ERVK3-1: variants seen among roughly 807,000 people sequenced by gnomAD.
ERVK3-1 encodes HERV-K(HML6-1).
In ERVK3-1 at chr19:58,313,278, G is replaced by T. The variant is rs1187711738; in HGVS notation, c.294+816G>T. 6.6e-6 allele frequency among the ~76,000 whole-genome samples: 1 copy of T among 152,034 alleles called. No individual in the cohort carries two copies. The highest frequency in any genetic ancestry group is 1.5e-5 in the Non-Finnish European group (1 of 67,998). On this transcript the variant is annotated intron_variant, in intron 3 of 3. Coordinates refer to ENST00000413518, the Ensembl canonical transcript of ERVK3-1. The surrounding 1 kb of genome is among the most constrained non-coding windows in gnomAD (Gnocchi z 4.5). ...TTACCACTCAATTTACGGTTTGTGGGTTTTTTGTTGTTGTTGTTAACTGTT... is the reference window on the plus strand; with the variant it reads ...TTACCACTCAATTTACGGTTTGTGGTTTTTTTGTTGTTGTTGTTAACTGTT...
chr19:58,307,629 C>G (rs1354073774), intron 2 of ERVK3-1, among the ~76,000 whole-genome samples: 1 of 150,296 alleles, frequency 6.7e-6, no homozygotes, highest in South Asian at 2.1e-4. Flanking sequence ...CCGCCCCGCT[C>G]CCCCCAACAC....
chr19:58,307,707 A>G (rs1231970547), intron 2 of ERVK3-1, among the ~76,000 whole-genome samples: 1 of 150,480 alleles, frequency 6.6e-6, no homozygotes, highest in Non-Finnish European at 1.5e-5. Context: ...TGGGCTAATC[A>G]GTGTTGCTCA....
At position 58,312,343 on chromosome 19, in the gene ERVK3-1, A is replaced by G. The variant is rs928082105; in HGVS notation, c.175A>G (p.Ile59Val). Residue 59 changes from isoleucine (I) to valine (V), a missense_variant, in exon 3 of 4, where the codon ATA becomes GTA. Transcript: ENST00000413518. The surrounding 1 kb of genome is among the most constrained non-coding windows in gnomAD (Gnocchi z 4.7). ...CGGAGTCACAATGACATCCAACCCC[A>G]TAACATGGGGACAGATCAAGAAAAC... The G allele has an allele frequency of 5.0e-6, 2 of 400,100 alleles. No homozygotes were observed. Among genetic ancestry groups the G allele is most frequent in the Admixed American group, 8.8e-5 (2 of 22,714 alleles). The allele number at this position is 400,100 out of a possible 1,614,324, so 24.8% of individuals were successfully genotyped here.
intron 2 of ERVK3-1, chr19:58,311,368 C>G (rs1317779035): frequency 6.6e-6 from 1 of 152,194 alleles, no homozygotes; most frequent in Non-Finnish European, 1.5e-5. Flanking sequence ...CTTCCTGGGG[C>G]CACTATCTCT....
chr19:58,314,782 G>A (rs888874736), exon 4 of ERVK3-1: 1 of 399,940 alleles, frequency 2.5e-6, no homozygotes, highest in South Asian at 1.3e-4. Flanking sequence ...ACCGGCAATT[G>A]AAAGCTGCAC....
chr19:58,311,718 T>C (rs1012101414), intron 2 of ERVK3-1: 3 of 152,928 alleles, frequency 2.0e-5, no homozygotes, highest in South Asian at 2.1e-4. Flanking sequence ...CAGCTGGTCA[T>C]GTCTGACGAT....
chr19:58,315,987 G>A (rs1011570564), downstream of ERVK3-1, among the ~76,000 whole-genome samples: 4 of 152,240 alleles, frequency 2.6e-5, no homozygotes, highest in East Asian at 1.9e-4. Context: ...CTGAGACCTC[G>A]GGTGCCCCCT....
At chr19:58,315,539 G>C (rs1159334394) in exon 4 of ERVK3-1, 1 of 152,090 alleles carries the variant, frequency 6.6e-6, no homozygotes, top group African/African-American at 2.4e-5. Context: ...CCTCTTTATG[G>C]CTGAATAATA....
At chr19:58,307,075 C>G (rs1192567255) in intron 2 of ERVK3-1, among the ~76,000 whole-genome samples, 5 of 152,234 alleles carry the variant, frequency 3.3e-5, no homozygotes, top group Non-Finnish European at 7.3e-5. Flanking sequence ...AGAGGAAATG[C>G]TATTGGGTAG....
downstream of ERVK3-1, among the ~76,000 whole-genome samples, chr19:58,316,199 C>G (rs1043160181): frequency 6.6e-6 from 1 of 152,040 alleles, no homozygotes; most frequent in South Asian, 2.1e-4. Flanking sequence ...CCCTGCCTTC[C>G]TCAGCCTGCT....
At position 58,312,267 on chromosome 19, in the gene ERVK3-1, A is replaced by G. The variant is rs1017155852; in HGVS notation, c.99A>G (p.Val33=). Residue 33 remains valine (V), a synonymous_variant, in exon 3 of 4, where the codon GTA becomes GTG. Coordinates refer to ENST00000413518, the Ensembl canonical transcript of ERVK3-1. The surrounding 1 kb of genome is among the most constrained non-coding windows in gnomAD (Gnocchi z 4.7). ...CAACCGTGGGCCTGTTACCTCCAGT[A>G]CGAGCCATGAGCCAGCGGAATCTGA... The G allele has an allele frequency of 1.2e-5, 5 of 400,100 alleles. No individual in the cohort carries two copies. Among genetic ancestry groups the G allele is most frequent in the African/African-American group, 2.1e-5 (1 of 48,630 alleles). The allele number at this position is 400,100 out of a possible 1,614,324, so 24.8% of individuals were successfully genotyped here. A position where few individuals can be genotyped will look rare whatever the true frequency, so the allele number is the denominator to read the frequency against.
rs927406572 is a variant in ERVK3-1 at position 58,314,717 on chromosome 19, T to C, written c.295-31T>C. 7 of 396,726 alleles carry C rather than the reference T, an allele frequency of 1.8e-5. No individual in the cohort carries two copies. The East Asian group carries it at 2.2e-4, about 12-fold the overall frequency. The allele number at this position is 396,726 out of a possible 1,614,324, so 24.6% of individuals were successfully genotyped here. On this transcript the variant is annotated intron_variant, in intron 3 of 3. Transcript: ENST00000413518. ...TCTTTTATAATAATTACAAGAATAA[T>C]GTTGTTATGTCTCTGTTTTTTTGCT...
At chr19:58,309,669 C>T (rs1221606511) in intron 2 of ERVK3-1, 3 of 152,196 alleles carry the variant, frequency 2.0e-5, no homozygotes, top group Non-Finnish European at 4.4e-5. Flanking sequence ...TTCCTACCCC[C>T]CATTCTCCAT....
At chr19:58,308,511 G>A (rs2051538318) in intron 2 of ERVK3-1, among the ~76,000 whole-genome samples, 1 of 152,180 alleles carries the variant, frequency 6.6e-6, no homozygotes, top group South Asian at 2.1e-4. Context: ...TACAGCATGG[G>A]ATGTGAGACT....
intron 2 of ERVK3-1, among the ~76,000 whole-genome samples, chr19:58,308,325 T>C (rs1293412499): frequency 6.6e-6 from 1 of 152,222 alleles, no homozygotes; most frequent in Non-Finnish European, 1.5e-5. Flanking sequence ...TTCAGTAATA[T>C]CCAAAAACAA....
chr19:58,306,461 G>A (rs1292726007), intron 2 of ERVK3-1: 1 of 152,206 alleles, frequency 6.6e-6, no homozygotes, highest in Non-Finnish European at 1.5e-5. Context: ...AGATTGAAAC[G>A]AGCTCATCAG....
intron 1 of ERVK3-1, among the ~76,000 whole-genome samples, chr19:58,305,811 G>GGA: frequency 6.6e-6 from 1 of 152,312 alleles, no homozygotes; most frequent in Non-Finnish European, 1.5e-5. Flanking sequence ...GAATGCTGGG[G>GGA]GCAGTCATGT....
At chr19:58,316,351 A>G (rs28695411), downstream of ERVK3-1, among the ~76,000 whole-genome samples, 39,778 of 152,024 alleles carry the variant, frequency 0.26, 6,705 homozygotes, top group African/African-American at 0.46. Flanking sequence ...TGCCCAGGCC[A>G]TCAGAGTATG....
intron 2 of ERVK3-1, 31 bp downstream of exon 2, chr19:58,306,247 G>C (rs910119323): frequency 6.6e-6 from 1 of 152,216 alleles, no homozygotes; most frequent in African/African-American, 2.4e-5. Context: ...TCGGGAGCGG[G>C]AGGTTTCTGA....
Sources: gnomAD v4.1 joint callset for allele counts (sites outside exome capture counted in the v4.1 genomes callset) on GRCh38, gnomAD v4.1.1 for gene constraint, Gnocchi (gnomAD v3.1) non-coding constraint, MANE v1.5 for transcripts, NCBI Gene and HGNC (gene_info 2026-07-23, HGNC 2026-07-21) for gene names.